Variants in MYO3B observed in about 807,000 individuals in gnomAD.
The protein encoded by MYO3B is myosin IIIB.
In MYO3B, 156 loss-of-function variants were observed where a neutral mutation model predicts 174.6. The ratio of observed to expected loss-of-function variants is 0.89; its 90% CI spans 0.78 to 1.02. The LOEUF is 1.02. MYO3B is among the 50% of genes least tolerant of loss of function. MYO3B has a pLI of 0.00. For synonymous variants in MYO3B, 563 were observed against 569.1 expected, an observed-to-expected ratio of 0.99 and a Z score of 0.15; for missense variants, 1,632 against 1,639.4, an observed-to-expected ratio of 1.00 and a Z score of 0.08.
intron 3 of MYO3B, among the ~76,000 whole-genome samples, chr2:170,208,581 G>T (rs1358294110): frequency 6.6e-6 from 1 of 152,202 alleles, no homozygotes; most frequent in East Asian, 1.9e-4. Context: ...CTAAGCTGCA[G>T]CTGGAGATTC....
intron 32 of MYO3B, among the ~76,000 whole-genome samples, chr2:170,634,538 C>T (rs1697297216): frequency 6.6e-6 from 1 of 152,128 alleles, no homozygotes; most frequent in African/African-American, 2.4e-5. Flanking sequence ...CTAGGCAATA[C>T]CATTCAGGAC....
chr2:170,218,611 C>T (rs559219202), intron 6 of MYO3B, among the ~76,000 whole-genome samples: 1 of 152,278 alleles, frequency 6.6e-6, no homozygotes, highest in African/African-American at 2.4e-5. Flanking sequence ...CTCAGTTCTC[C>T]TACTACTTTA....
At chr2:170,499,384 A>G (rs147302919) in intron 26 of MYO3B, among the ~76,000 whole-genome samples, 81 of 152,284 alleles carry the variant, frequency 5.3e-4, no homozygotes, top group African/African-American at 1.9e-3. Context: ...CCTGACTGAC[A>G]TGAGACAGGC....
chr2:170,412,128 A>G (rs915538012), intron 22 of MYO3B: 2 of 152,224 alleles, frequency 1.3e-5, no homozygotes, highest in Admixed American at 6.5e-5. Flanking sequence ...AGATAGAAAA[A>G]CATTAAAAGG....
chr2:170,399,242 C>CAAAAAAAAAAAAAAAAAAAA (rs71399532), intron 16 of MYO3B, among the ~76,000 whole-genome samples: 1 of 15,622 alleles, frequency 6.4e-5, no homozygotes, highest in East Asian at 2.9e-3. Context: ...AATTCCGTCT[C>CAAAAAAAAAAAAAAAAAAAA]AAAAAAAAAA....
intron 1 of MYO3B, among the ~76,000 whole-genome samples, chr2:170,197,727 CTCA>C (rs10541236): frequency 0.38 from 57,971 of 151,764 alleles, 11,262 homozygotes; most frequent in African/African-American, 0.46. Flanking sequence ...CTTCTTCCTC[CTCA>C]TATTTCTTGT....
intron 22 of MYO3B, 69 bp downstream of exon 22, chr2:170,407,913 G>A: frequency 6.3e-7 from 1 of 1,587,788 alleles, no homozygotes; most frequent in East Asian, 2.2e-5. Flanking sequence ...TTTCCAGTTA[G>A]TGTCTGAATA....
intron 29 of MYO3B, among the ~76,000 whole-genome samples, chr2:170,516,106 A>G (rs1211423747): frequency 6.6e-6 from 1 of 152,194 alleles, no homozygotes; most frequent in Non-Finnish European, 1.5e-5. Context: ...AAGATGTGTT[A>G]TGCTTGGCCA....
chr2:170,548,963 A>G (rs1045533845), intron 32 of MYO3B, among the ~76,000 whole-genome samples: 14 of 151,906 alleles, frequency 9.2e-5, no homozygotes, highest in African/African-American at 1.5e-4. Context: ...TTCCTTTTTC[A>G]TCTTTGCTAT....
chr2:170,524,972 C>T (rs1216846918), intron 30 of MYO3B, among the ~76,000 whole-genome samples: 3 of 152,168 alleles, frequency 2.0e-5, no homozygotes, highest in African/African-American at 7.2e-5. Context: ...CATTCTACTG[C>T]CTCTCAAGGC....
intron 32 of MYO3B, among the ~76,000 whole-genome samples, chr2:170,638,091 CCTCTCTCTCT>C (rs574364783): frequency 3.4e-5 from 5 of 149,002 alleles, no homozygotes; most frequent in African/African-American, 1.2e-4. Context: ...TCTCTCTCTC[CCTCTCTCTCT>C]CTCTCTCTCA....
At chr2:170,413,594 G>C (rs1351825572) in intron 22 of MYO3B, among the ~76,000 whole-genome samples, 1 of 152,190 alleles carries the variant, frequency 6.6e-6, no homozygotes, top group Non-Finnish European at 1.5e-5. Context: ...GTGTATATCT[G>C]TGTATGAATA....
chr2:170,652,582 C>T (rs115691878), intron 34 of MYO3B, among the ~76,000 whole-genome samples: 6,748 of 152,212 alleles, frequency 0.044, 195 homozygotes, highest in Non-Finnish European at 0.066. Context: ...AGGAATTTGT[C>T]GTTCATTTGA....
chr2:170,475,154 T>G (rs1314935409), intron 25 of MYO3B, among the ~76,000 whole-genome samples: 5 of 152,184 alleles, frequency 3.3e-5, no homozygotes, highest in African/African-American at 1.2e-4. Context: ...TCTGACTCTC[T>G]CACCCATGAT....
At chr2:170,244,280 T>C (rs1229248084) in intron 7 of MYO3B, among the ~76,000 whole-genome samples, 2 of 152,210 alleles carry the variant, frequency 1.3e-5, no homozygotes, top group Non-Finnish European at 2.9e-5. Flanking sequence ...GCAAGAGTTC[T>C]AAACTTAGGG....
chr2:170,388,505 A>C (rs1408816321), intron 14 of MYO3B, among the ~76,000 whole-genome samples: 3 of 152,182 alleles, frequency 2.0e-5, no homozygotes, highest in African/African-American at 7.2e-5. Context: ...CAAATCATGC[A>C]GGGCTTTGGA....
Position 170,214,460 on chromosome 2 carries a change from T to C in MYO3B, c.403T>C (p.Tyr135His). Reference sequence around the variant, plus strand: ...GCGGTTGGATGAAGCAATGATCTCATACATCTTGTACGGGGCCCTCTTGGT... The same window carrying C: ...GCGGTTGGATGAAGCAATGATCTCACACATCTTGTACGGGGCCCTCTTGGT... ...GQRLDEAMIS[Y>H]ILYGALLGLQ... The change falls in exon 4 of 35, where the codon TAC (tyrosine) becomes CAC (histidine). Residue 135 changes from tyrosine to histidine, a missense_variant. Coordinates refer to ENST00000408978, the MANE Select transcript of MYO3B (RefSeq NM_138995.5). The C allele has an allele frequency of 6.2e-7, 1 of 1,614,206 alleles. No homozygotes were observed. Among genetic ancestry groups the C allele is most frequent in the Non-Finnish European group, 8.5e-7 (1 of 1,180,002 alleles).
chr2:170,414,830 AG>A (rs2094568235), intron 22 of MYO3B, among the ~76,000 whole-genome samples: 1 of 152,236 alleles, frequency 6.6e-6, no homozygotes, highest in South Asian at 2.1e-4. Flanking sequence ...TTCAGTTTAT[AG>A]AACTAGTATA....
intron 32 of MYO3B, among the ~76,000 whole-genome samples, chr2:170,645,976 T>C (rs1482571536): frequency 6.6e-6 from 1 of 152,190 alleles, no homozygotes; most frequent in Non-Finnish European, 1.5e-5. Context: ...TTTTTACTGC[T>C]ATAAAAGTGT....
Sources: gnomAD v4.1 joint callset for allele counts (sites outside exome capture counted in the v4.1 genomes callset) on GRCh38, gnomAD v4.1.1 for gene constraint, MANE v1.5 for transcripts, NCBI Gene and HGNC (gene_info 2026-07-23, HGNC 2026-07-21) for gene names.